Variants in TRPS1 observed in about 807,000 individuals in gnomAD.
The protein encoded by TRPS1 is zinc finger transcription factor Trps1.
In TRPS1, 6 loss-of-function variants were observed where a neutral mutation model predicts 101.2. The observed-to-expected ratio is 0.06, with a 90% CI of 0.03 to 0.12. The LOEUF is 0.12. TRPS1 is among the 10% of genes least tolerant of loss of function. The pLI, the probability that TRPS1 is intolerant of heterozygous loss-of-function variation, is 1.00. For missense variants in TRPS1, 1,363 were observed against 1,567.0 expected, an observed-to-expected ratio of 0.87 and a Z score of 2.20; for synonymous variants, 578 against 589.8, an observed-to-expected ratio of 0.98 and a Z score of 0.29.
chr8:115,663,505 T>G (rs1197392485), intron 1 of TRPS1, among the ~76,000 whole-genome samples: 1 of 151,938 alleles, frequency 6.6e-6, no homozygotes, highest in Non-Finnish European at 1.5e-5. Flanking sequence ...CTAGAAACAT[T>G]TTAAAAATTA....
chr8:115,414,152 G>A lies in TRPS1; in HGVS notation c.3756C>T (p.Asp1252=), dbSNP rs1339256263. 6.2e-7 allele frequency: 1 copy of A among 1,613,878 alleles called. No individual in the cohort carries two copies. The highest frequency in any genetic ancestry group is 8.5e-7 in the Non-Finnish European group (1 of 1,179,932). ...MYALHMSCHG[D]SGPFQCSICQ... ...ATATGCTGCACTGGAAAGGTCCACTGTCACCATGGCAACTCATATGCAAAG... is the reference window on the plus strand; with the variant it reads ...ATATGCTGCACTGGAAAGGTCCACTATCACCATGGCAACTCATATGCAAAG... Residue 1252 remains aspartate, a synonymous_variant, in exon 7 of 7, where the codon GAC becomes GAT. Coordinates refer to ENST00000395715, the MANE Select transcript of TRPS1 (RefSeq NM_014112.5). The surrounding 1 kb of genome is among the most constrained non-coding windows in gnomAD (Gnocchi z 4.8).
chr8:115,610,540 G>T (rs1818138569), intron 3 of TRPS1, among the ~76,000 whole-genome samples: 1 of 152,144 alleles, frequency 6.6e-6, no homozygotes, highest in African/African-American at 2.4e-5. Flanking sequence ...ATTCCTATCA[G>T]TGACACTGTA....
chr8:115,415,426 T>A (rs1260322496), intron 6 of TRPS1, among the ~76,000 whole-genome samples: 2 of 152,064 alleles, frequency 1.3e-5, no homozygotes, highest in African/African-American at 4.8e-5. Flanking sequence ...TTTTCTGAAA[T>A]TTTTTTTCAA....
intron 5 of TRPS1, 134 bp downstream of exon 5, chr8:115,586,867 G>C: frequency 6.7e-7 from 1 of 1,502,040 alleles, no homozygotes; most frequent in Non-Finnish European, 9.1e-7. Flanking sequence ...TTGGCCTTAG[G>C]AGTATAAATC....
intron 5 of TRPS1, among the ~76,000 whole-genome samples, chr8:115,480,317 A>G (rs1248713279): frequency 6.6e-6 from 1 of 152,126 alleles, no homozygotes; most frequent in Non-Finnish European, 1.5e-5. Flanking sequence ...CAGTAATGGT[A>G]GTTATTATTA....
At chr8:115,460,528 T>C (rs574390909) in intron 5 of TRPS1, among the ~76,000 whole-genome samples, 142 of 152,232 alleles carry the variant, frequency 9.3e-4, no homozygotes, top group Admixed American at 8.7e-3. Context: ...AATAAATGTA[T>C]TGAAAATTAT....
intron 5 of TRPS1, among the ~76,000 whole-genome samples, chr8:115,555,659 C>T (rs903464534): frequency 6.6e-6 from 1 of 152,006 alleles, no homozygotes; most frequent in Non-Finnish European, 1.5e-5. Context: ...GCAAGCCAGT[C>T]GCCAGCACTC....
At chr8:115,468,691 AT>A (rs1171867081) in intron 5 of TRPS1, among the ~76,000 whole-genome samples, 5 of 152,246 alleles carry the variant, frequency 3.3e-5, no homozygotes, top group Non-Finnish European at 5.9e-5. Context: ...CCAGCACAGC[AT>A]TTCGAGAAAC....
In TRPS1 at chr8:115,550,758, C is replaced by T. The variant is rs1285829145; in HGVS notation, c.2700+36243G>A. Among the ~76,000 whole-genome samples the T allele has an allele frequency of 2.0e-5, 3 of 152,166 alleles. No homozygotes were observed. The East Asian group carries it at 5.8e-4, about 29-fold the overall frequency. Reference sequence around the variant, plus strand: ...TTCTTGGAAATCTATAACTACCCTGCAAGTCTCTTCTGCACCTTGACTATG... The same window carrying T: ...TTCTTGGAAATCTATAACTACCCTGTAAGTCTCTTCTGCACCTTGACTATG... On this transcript the variant is annotated intron_variant, in intron 5 of 6. Coordinates refer to ENST00000395715, the MANE Select transcript of TRPS1 (RefSeq NM_014112.5).
At chr8:115,444,499 G>A (rs1351011111) in intron 5 of TRPS1, among the ~76,000 whole-genome samples, 1 of 152,196 alleles carries the variant, frequency 6.6e-6, no homozygotes, top group South Asian at 2.1e-4. Context: ...ATCTCTGTCT[G>A]TCTTCAATCT....
At chr8:115,545,639 T>C (rs1221826884) in intron 5 of TRPS1, among the ~76,000 whole-genome samples, 1 of 152,154 alleles carries the variant, frequency 6.6e-6, no homozygotes, top group Non-Finnish European at 1.5e-5. Flanking sequence ...TGTACTTACT[T>C]TAAAAAAATA....
chr8:115,462,972 A>G (rs188482202), intron 5 of TRPS1, among the ~76,000 whole-genome samples: 50 of 152,286 alleles, frequency 3.3e-4, no homozygotes, highest in Middle Eastern at 3.4e-3. Context: ...TGCTACCACA[A>G]AATTCTTAAT....
intron 1 of TRPS1, among the ~76,000 whole-genome samples, chr8:115,653,846 C>T (rs1409006855): frequency 3.3e-5 from 5 of 152,168 alleles, no homozygotes; most frequent in East Asian, 1.9e-4. Context: ...TGACACACCT[C>T]CTCCTCCACC....
intron 5 of TRPS1, among the ~76,000 whole-genome samples, chr8:115,578,400 A>C (rs189076111): frequency 3.7e-4 from 56 of 152,280 alleles, no homozygotes; most frequent in African/African-American, 1.3e-3. Context: ...GAAATATACT[A>C]CATGAAATTA....
intron 5 of TRPS1, among the ~76,000 whole-genome samples, chr8:115,480,661 T>C (rs1814730218): frequency 6.6e-6 from 1 of 152,092 alleles, no homozygotes; most frequent in Non-Finnish European, 1.5e-5. Context: ...GCATATATTA[T>C]ATTCAGGGCC....
At chr8:115,657,599 A>C (rs1244302853) in intron 1 of TRPS1, among the ~76,000 whole-genome samples, 1 of 152,108 alleles carries the variant, frequency 6.6e-6, no homozygotes, top group East Asian at 1.9e-4. Context: ...CTTCTGCCCT[A>C]AATCCAGAAA....
chr8:115,594,967 T>C (rs536166219), intron 4 of TRPS1, among the ~76,000 whole-genome samples: 14 of 151,942 alleles, frequency 9.2e-5, no homozygotes, highest in Non-Finnish European at 1.8e-4. Flanking sequence ...AGCATGTTAC[T>C]TTCAGTAATT....
At position 115,603,817 on chromosome 8, in the gene TRPS1, A is replaced by AT. The variant is rs983290196; in HGVS notation, c.2096+55dup. The AT allele has an allele frequency of 4.3e-5, 69 of 1,598,426 alleles. 2 individuals carry two copies. The Middle Eastern group carries it at 1.2e-3, about 28-fold the overall frequency. ...TCCCGGTTCAGCCCTCTTTCTATGG[A>AT]TTTTTTCTATTATTTTATTTGTATA... On this transcript the variant is annotated intron_variant, in intron 4 of 6. Coordinates refer to ENST00000395715, the MANE Select transcript of TRPS1 (RefSeq NM_014112.5).
chr8:115,663,820 C>T (rs1484067224), intron 1 of TRPS1, among the ~76,000 whole-genome samples: 1 of 150,192 alleles, frequency 6.7e-6, no homozygotes, highest in Non-Finnish European at 1.5e-5. Flanking sequence ...CTTCACCTAA[C>T]TAATGCTTAA....
Sources: allele counts gnomAD v4.1 joint callset (sites outside exome capture counted in the v4.1 genomes callset), GRCh38; gene constraint gnomAD v4.1.1; non-coding constraint Gnocchi (gnomAD v3.1); transcripts MANE v1.5; gene names NCBI Gene and HGNC (gene_info 2026-07-23, HGNC 2026-07-21).